The following TFEC variants were observed in gnomAD, a reference collection of about 807,000 sequenced individuals.
The protein encoded by TFEC is transcription factor EC.
A neutral mutation model predicts 41.6 loss-of-function variants in TFEC; 31 were observed. The ratio of observed to expected loss-of-function variants is 0.74; its 90% CI spans 0.56 to 1.01. The LOEUF (loss-of-function observed/expected upper bound fraction) is 1.01. Among genes scored for constraint, TFEC ranks in the 50% least tolerant of loss-of-function variants. TFEC has a pLI of 0.00. For synonymous variants in TFEC, 143 were observed against 140.6 expected (o/e 1.02, Z -0.12); for missense variants, 402 against 404.1 (o/e 0.99, Z 0.04).
intron 1 of TFEC, among the ~76,000 whole-genome samples, chr7:116,136,483 T>C (rs915340987): frequency 1.3e-5 from 2 of 151,966 alleles, no homozygotes. Context: ...TCTTTCTTCA[T>C]CATGAAATAT....
In TFEC at chr7:115,984,424, C is replaced by A; in HGVS notation, c.18G>T (p.Gln6His). 6.2e-7 allele frequency: 1 copy of A among 1,614,106 alleles called. No individual in the cohort carries two copies. Reference protein sequence around the residue: MTLDHQIINPTLKWSQ... With the variant: MTLDHHIINPTLKWSQ... ...ACCATTTAAGAGTTGGATTGATGAT[C>A]TGATGATCAAGGGTCATGAAAGAGT... Residue 6 changes from glutamine (Q) to histidine (H), a missense_variant, in exon 2 of 8, where the codon CAG becomes CAT. Coordinates refer to ENST00000265440, the MANE Select transcript of TFEC (RefSeq NM_012252.4).
chr7:115,981,729 C>CAG (rs530937890), intron 2 of TFEC, among the ~76,000 whole-genome samples: 2 of 152,178 alleles, frequency 1.3e-5, no homozygotes, highest in Non-Finnish European at 2.9e-5. Context: ...TAAGCCCAGA[C>CAG]AGAGCATCAC....
intron 1 of TFEC, among the ~76,000 whole-genome samples, chr7:116,131,071 T>C (rs189498267): frequency 1.3e-5 from 2 of 152,240 alleles, no homozygotes; most frequent in African/African-American, 2.4e-5. Flanking sequence ...TTAATACTAA[T>C]TATATTTGGT....
intron 3 of TFEC, among the ~76,000 whole-genome samples, chr7:116,070,123 AAT>A (rs1252744488): frequency 7.3e-5 from 11 of 151,242 alleles, no homozygotes; most frequent in Non-Finnish European, 1.3e-4. Context: ...AAACAACATA[AAT>A]ATGTGTGTCT....
intron 1 of TFEC, among the ~76,000 whole-genome samples, chr7:116,132,554 G>T (rs1798353896): frequency 6.6e-6 from 1 of 152,212 alleles, no homozygotes; most frequent in East Asian, 1.9e-4. Context: ...TTCTTTAACT[G>T]TGAGTGCATG....
intron 1 of TFEC, chr7:116,159,688 T>A (rs1162743359): frequency 6.6e-6 from 1 of 152,182 alleles, no homozygotes; most frequent in African/African-American, 2.4e-5. Flanking sequence ...ATCTTAAACA[T>A]TTAAACTAAG....
intron 1 of TFEC, among the ~76,000 whole-genome samples, chr7:116,130,385 C>A (rs1798308953): frequency 6.6e-6 from 1 of 152,146 alleles, no homozygotes; most frequent in Non-Finnish European, 1.5e-5. Flanking sequence ...CAGAAATTTT[C>A]TCAAATGCAG....
intron 3 of TFEC, among the ~76,000 whole-genome samples, chr7:116,057,273 A>G (rs1305665140): frequency 6.6e-6 from 1 of 152,014 alleles, no homozygotes; most frequent in East Asian, 1.9e-4. Flanking sequence ...AATTTTGCAA[A>G]TATGATGAAA....
intron 1 of TFEC, among the ~76,000 whole-genome samples, chr7:115,991,493 G>C (rs1051137970): frequency 6.6e-6 from 1 of 152,072 alleles, no homozygotes; most frequent in Non-Finnish European, 1.5e-5. Context: ...CTCATGTGTA[G>C]AGACACACAT....
chr7:116,131,609 A>G (rs1448807492), intron 1 of TFEC, among the ~76,000 whole-genome samples: 1 of 152,190 alleles, frequency 6.6e-6, no homozygotes, highest in African/African-American at 2.4e-5. Flanking sequence ...ATAAATAAGA[A>G]AATAAAGTAA....
At chr7:116,114,635 G>A (rs867907313) in intron 1 of TFEC, among the ~76,000 whole-genome samples, 2 of 151,924 alleles carry the variant, frequency 1.3e-5, no homozygotes, top group African/African-American at 4.8e-5. Context: ...ATGAAGAGAC[G>A]TAGGTCCCCA....
chr7:116,001,509 AC>A (rs988455348), intron 1 of TFEC, among the ~76,000 whole-genome samples: 6 of 151,772 alleles, frequency 4.0e-5, no homozygotes, highest in African/African-American at 9.6e-5. Flanking sequence ...AAAAAAAAAA[AC>A]AACCAACAAA....
chr7:116,153,469 G>C (rs1376175446), intron 1 of TFEC, among the ~76,000 whole-genome samples: 1 of 152,092 alleles, frequency 6.6e-6, no homozygotes. Flanking sequence ...TGGTCAGGCT[G>C]GTCTCAAACT....
At chr7:116,143,125 A>G (rs879388105) in intron 1 of TFEC, among the ~76,000 whole-genome samples, 7 of 151,788 alleles carry the variant, frequency 4.6e-5, no homozygotes, top group Admixed American at 3.9e-4. Flanking sequence ...CTCTTTTACA[A>G]CTCTCGCTAG....
chr7:116,146,117 G>T (rs1189162618), intron 1 of TFEC, among the ~76,000 whole-genome samples: 2 of 152,126 alleles, frequency 1.3e-5, no homozygotes, highest in Non-Finnish European at 2.9e-5. Context: ...AAATCATTTT[G>T]ACACCTGTCT....
chr7:115,988,095 C>G (rs1793938834), intron 1 of TFEC, among the ~76,000 whole-genome samples: 1 of 152,010 alleles, frequency 6.6e-6, no homozygotes, highest in African/African-American at 2.4e-5. Context: ...TTTCCTTTAC[C>G]CAAAACCTTC....
chr7:116,131,116 C>T (rs1421533172), intron 1 of TFEC, among the ~76,000 whole-genome samples: 2 of 152,038 alleles, frequency 1.3e-5, no homozygotes, highest in Non-Finnish European at 2.9e-5. Flanking sequence ...TATGCTATTG[C>T]CTTATGTGCA....
intron 3 of TFEC, among the ~76,000 whole-genome samples, chr7:116,055,141 A>G (rs1029868210): frequency 6.6e-6 from 1 of 152,174 alleles, no homozygotes; most frequent in Non-Finnish European, 1.5e-5. Flanking sequence ...AAGTTCAATT[A>G]TGATGACAGG....
At chr7:116,145,594 G>A (rs1798625818) in intron 1 of TFEC, among the ~76,000 whole-genome samples, 1 of 152,166 alleles carries the variant, frequency 6.6e-6, no homozygotes, top group African/African-American at 2.4e-5. Context: ...GATCCTAGAA[G>A]CCAAAAAGAA....
Sources: gnomAD v4.1 joint callset for allele counts (sites outside exome capture counted in the v4.1 genomes callset) on GRCh38, gnomAD v4.1.1 for gene constraint, MANE v1.5 for transcripts, NCBI Gene and HGNC (gene_info 2026-07-23, HGNC 2026-07-21) for gene names.